SLC39A14: variants seen among roughly 807,000 people sequenced by gnomAD.
The protein encoded by SLC39A14 is solute carrier family 39 member 14, also known as metal cation symporter ZIP14.
SLC39A14 carries 19 observed loss-of-function variants against 45.5 expected under a neutral mutation model. The observed-to-expected ratio is 0.42, with a 90% CI of 0.29 to 0.61. The LOEUF (loss-of-function observed/expected upper bound fraction) is 0.61, where lower values mean the gene tolerates loss of function less well. Among genes scored for constraint, SLC39A14 ranks in the 20% least tolerant of loss-of-function variants. SLC39A14 has a pLI of 0.22. For missense variants in SLC39A14, 447 were observed against 616.5 expected (o/e 0.73, Z 2.91); for synonymous variants, 264 against 251.3 (o/e 1.05, Z -0.48).
chr8:22,403,055 C>T (rs779587612), intron 1 of SLC39A14, among the ~76,000 whole-genome samples: 13 of 152,142 alleles, frequency 8.5e-5, no homozygotes, highest in Non-Finnish European at 5.9e-5. Flanking sequence ...TGGCTCACCA[C>T]AGGCTCTGCC....
rs746666663 is a variant in SLC39A14 at position 22,408,322 on chromosome 8, G to A, written c.283G>A (p.Gly95Arg). ...HRNLSTCFSS[G>R]DLFTAHNFSE... is the part of the protein sequence containing the mutation. ...TCCTGTGTTTCAGTGCTTTAGTTCT[G>A]GAGACCTCTTCACTGCCCACAATTT... The change falls in exon 3 of 9, where the codon GGA becomes AGA. Residue 95 changes from glycine to arginine, a missense_variant. Physicochemically the swap from Gly to Arg is moderately radical, Grantham distance 125. This residue lies in a region of SLC39A14 where 342 missense variants were observed against 428.1 expected (regional missense o/e 0.80). Transcript: ENST00000381237. 1 of 1,613,808 alleles carries A rather than the reference G, an allele frequency of 6.2e-7. No individual in the cohort carries two copies. The highest frequency in any genetic ancestry group is 1.7e-5 in the Admixed American group (1 of 59,982).
chr8:22,394,758 CT>C (rs1435087731), intron 1 of SLC39A14, among the ~76,000 whole-genome samples: 4 of 152,034 alleles, frequency 2.6e-5, no homozygotes, highest in Non-Finnish European at 2.9e-5. Context: ...TATTTCCCCC[CT>C]AGGAAGGGGA....
At chr8:22,382,959 C>T (rs117323841) in intron 1 of SLC39A14, among the ~76,000 whole-genome samples, 4,196 of 151,980 alleles carry the variant, frequency 0.028, 96 homozygotes, top group Non-Finnish European at 0.044. Context: ...CTCAAGCCAT[C>T]CACCCGCATC....
intron 1 of SLC39A14, among the ~76,000 whole-genome samples, chr8:22,387,321 C>T (rs1397674808): frequency 1.3e-5 from 2 of 152,122 alleles, no homozygotes; most frequent in African/African-American, 2.4e-5. Context: ...TGCCATAAGA[C>T]GTCCTCGGGG....
chr8:22,410,079 G>A lies in SLC39A14; in HGVS notation c.457+1583G>A, dbSNP rs751212452. 6.1e-5 allele frequency: 98 copies of A among 1,614,010 alleles called. No homozygotes were observed. The highest frequency in any genetic ancestry group is 8.1e-5 in the Non-Finnish European group (96 of 1,180,042). ...ACTTCATCGCCCTGTCCATTGGAAC[G>A]CTGCTGTCTAACGCGCTATTCCAGC... On this transcript the variant is annotated intron_variant, in intron 3 of 8. Transcript: ENST00000381237.
At chr8:22,371,412 G>GTTTTTT (rs1563467946) in intron 1 of SLC39A14, among the ~76,000 whole-genome samples, 1 of 19,456 alleles carries the variant, frequency 5.1e-5, no homozygotes, top group Non-Finnish European at 8.4e-5. Flanking sequence ...AAAAATACAT[G>GTTTTTT]TCTTTTTTTT....
At chr8:22,422,764 C>T (rs554069425), downstream of SLC39A14, 21 of 964,792 alleles carry the variant, frequency 2.2e-5, no homozygotes, top group East Asian at 1.2e-4. Context: ...GTCTCACTGA[C>T]GTACAAAGTT....
chr8:22,408,801 A>G (rs1384310548), intron 3 of SLC39A14, among the ~76,000 whole-genome samples: 1 of 146,896 alleles, frequency 6.8e-6, no homozygotes, highest in Non-Finnish European at 1.5e-5. Flanking sequence ...CGGGGGCCCA[A>G]CCCTTTGGCT....
intron 1 of SLC39A14, among the ~76,000 whole-genome samples, chr8:22,394,068 G>A (rs1219627072): frequency 4.0e-5 from 6 of 149,202 alleles, no homozygotes; most frequent in African/African-American, 1.2e-4. Flanking sequence ...GTATAGTGGC[G>A]TGATCTTGGC....
intron 5 of SLC39A14, 29 bp downstream of exon 5, chr8:22,414,931 T>A (rs1324027351): frequency 3.1e-6 from 5 of 1,607,452 alleles, no homozygotes; most frequent in Admixed American, 3.5e-5. Context: ...TGAAGAAAGC[T>A]CTTCTAGGGA....
rs115780856 is a variant in SLC39A14 at position 22,412,232 on chromosome 8, C to T, written c.627+26C>T. 141 of 1,549,106 alleles carry T rather than the reference C, an allele frequency of 9.1e-5. No individual in the cohort carries two copies. In the African/African-American group the frequency reaches 1.5e-3, roughly 17 times the overall value. On this transcript the variant is annotated intron_variant, in intron 4 of 8. Coordinates refer to ENST00000381237, the MANE Select transcript of SLC39A14 (RefSeq NM_001128431.4). ...GTATGGCAAGCCAGGGCCTTCACCC[C>T]GGAGCATGCCGGCGGGCACAGTGGG...
rs553184339 is a variant in SLC39A14, at chr8:22,419,795, C to T, written c.*97C>T. The stretch of plus-strand genomic sequence containing the variant: ...ATCCACAATGCACCACGGAAGAGGC[C>T]GTTCTATGAAAAACTGACACAGACT... On this transcript the variant is annotated 3_prime_UTR_variant, in exon 9 of 9. Transcript: ENST00000381237. 139 of 1,460,870 alleles carry T rather than the reference C, an allele frequency of 9.5e-5. No individual in the cohort carries two copies. Among genetic ancestry groups the T allele is most frequent in the Non-Finnish European group, 1.2e-4 (128 of 1,108,652 alleles). The allele number at this position is 1,460,870 out of a possible 1,614,324, so 90.5% of individuals were successfully genotyped here. A position where few individuals can be genotyped will look rare whatever the true frequency, so the allele number is the denominator to read the frequency against.
At chr8:22,425,028 CAAAAAAAAAA>C (rs71544902), downstream of SLC39A14, among the ~76,000 whole-genome samples, 1 of 74,344 alleles carries the variant, frequency 1.3e-5, no homozygotes, top group Non-Finnish European at 2.7e-5. Flanking sequence ...GACTCCGTCT[CAAAAAAAAAA>C]AAAAAAAAAA....
chr8:22,403,644 C>T (rs1330882480), intron 1 of SLC39A14, among the ~76,000 whole-genome samples: 2 of 151,640 alleles, frequency 1.3e-5, no homozygotes, highest in African/African-American at 4.8e-5. Context: ...CAGGGCCGGG[C>T]ACAGTGGCTC....
downstream of SLC39A14, among the ~76,000 whole-genome samples, chr8:22,427,356 A>C (rs1158697424): frequency 6.6e-6 from 1 of 152,156 alleles, no homozygotes; most frequent in Non-Finnish European, 1.5e-5. Flanking sequence ...AAATGCATCA[A>C]AATCAAAGAA....
chr8:22,402,057 A>G lies in SLC39A14; in HGVS notation c.-15-2639A>G, dbSNP rs145821003. On this transcript the variant is annotated intron_variant, in intron 1 of 8. Coordinates refer to ENST00000381237, the MANE Select transcript of SLC39A14 (RefSeq NM_001128431.4). ...TTATTAATTGTTAATTGAGGGATTTATATATTTTCCTTATCACATAACTTT... is the reference window on the plus strand; with the variant it reads ...TTATTAATTGTTAATTGAGGGATTTGTATATTTTCCTTATCACATAACTTT... Among the ~76,000 whole-genome samples, 1,074 of 152,240 alleles carry G rather than the reference A, an allele frequency of 7.1e-3. 10 individuals are homozygous for G. Among genetic ancestry groups the G allele is most frequent in the African/African-American group, 0.024 (1,011 of 41,552 alleles).
downstream of SLC39A14, among the ~76,000 whole-genome samples, chr8:22,426,600 C>T (rs1586762168): frequency 6.6e-6 from 1 of 152,176 alleles, no homozygotes; most frequent in Admixed American, 6.5e-5. Flanking sequence ...CAAATCCATT[C>T]GTGTGACACA....
chr8:22,377,151 A>AT, intron 1 of SLC39A14, among the ~76,000 whole-genome samples: 1 of 152,270 alleles, frequency 6.6e-6, no homozygotes. Flanking sequence ...TTGGTTATTC[A>AT]TAATCAGATT....
chr8:22,370,727 G>A (rs1832878100), intron 1 of SLC39A14, among the ~76,000 whole-genome samples: 1 of 152,168 alleles, frequency 6.6e-6, no homozygotes, highest in Admixed American at 6.5e-5. Context: ...TATTGAGGGA[G>A]GGGGTGTTAG....
Sources: gnomAD v4.1 joint callset for allele counts (sites outside exome capture counted in the v4.1 genomes callset) on GRCh38, gnomAD v4.1.1 for gene constraint, gnomAD v4.1.1 regional missense constraint, MANE v1.5 for transcripts, NCBI Gene and HGNC (gene_info 2026-07-23, HGNC 2026-07-21) for gene names.